Variants in NCAM2 observed in about 807,000 individuals in gnomAD.
NCAM2 encodes the protein neural cell adhesion molecule 2, also known as N-CAM-2.
Under a neutral mutation model 98.1 loss-of-function variants are expected in NCAM2, and 30 were observed. The observed-to-expected ratio is 0.31, with a 90% confidence interval of 0.23 to 0.41. The LOEUF is 0.41. Ranked by LOEUF, NCAM2 falls within the 10% of genes least tolerant of loss-of-function variation. NCAM2 has a pLI of 1.00. For synonymous variants in NCAM2, 368 were observed against 342.4 expected (o/e 1.07, Z -0.83); for missense variants, 867 against 1,005.8 (o/e 0.86, Z 1.87).
chr21:21,183,245 A>G (rs1341926000), intron 1 of NCAM2, among the ~76,000 whole-genome samples: 13 of 152,146 alleles, frequency 8.5e-5, no homozygotes, highest in Admixed American at 8.5e-4. Context: ...AAGGTTAAAA[A>G]ATTTGCCTGG....
At chr21:21,534,716 T>A (rs1989890330) in intron 17 of NCAM2, 60 bp downstream of exon 17, 2 of 1,339,010 alleles carry the variant, frequency 1.5e-6, no homozygotes. Flanking sequence ...GATAACACAT[T>A]ATTATTGTTG....
intron 1 of NCAM2, among the ~76,000 whole-genome samples, chr21:21,274,500 G>A (rs896009613): frequency 2.6e-5 from 4 of 152,128 alleles, no homozygotes; most frequent in African/African-American, 4.8e-5. Context: ...ATAGGCTGTT[G>A]TAATGCACTG....
intron 9 of NCAM2, among the ~76,000 whole-genome samples, chr21:21,379,853 A>G (rs966847752): frequency 1.3e-5 from 2 of 152,006 alleles, no homozygotes; most frequent in African/African-American, 4.8e-5. Flanking sequence ...GTATTAACTC[A>G]CTCCATCACA....
intron 1 of NCAM2, among the ~76,000 whole-genome samples, chr21:21,129,777 T>C (rs909270747): frequency 1.3e-5 from 2 of 152,190 alleles, no homozygotes; most frequent in Admixed American, 6.5e-5. Context: ...TCCATAGCAA[T>C]AGTTCAGTGT....
chr21:21,536,452 C>T (rs911278140), intron 17 of NCAM2, among the ~76,000 whole-genome samples: 4 of 150,212 alleles, frequency 2.7e-5, no homozygotes, highest in East Asian at 3.9e-4. Flanking sequence ...AGTGCAATGG[C>T]GCAATCTCAG....
chr21:21,392,306 A>G (rs1217689893), intron 9 of NCAM2, among the ~76,000 whole-genome samples: 1 of 152,228 alleles, frequency 6.6e-6, no homozygotes, highest in Non-Finnish European at 1.5e-5. Context: ...GCTACATAGT[A>G]TTCCGTGGTG....
chr21:21,178,474 G>C (rs2146893457), intron 1 of NCAM2, among the ~76,000 whole-genome samples: 1 of 152,004 alleles, frequency 6.6e-6, no homozygotes, highest in African/African-American at 2.4e-5. Flanking sequence ...ACTCAGCAAA[G>C]CAAAACCTTA....
intron 12 of NCAM2, among the ~76,000 whole-genome samples, chr21:21,458,673 C>T (rs577501753): frequency 1.2e-4 from 19 of 152,240 alleles, no homozygotes; most frequent in African/African-American, 2.9e-4. Context: ...TCCAGAACTG[C>T]GACAAATAAA....
chr21:21,411,144 A>ATACACATATATATG (rs1444403621), intron 10 of NCAM2, among the ~76,000 whole-genome samples: 2 of 133,970 alleles, frequency 1.5e-5, no homozygotes, highest in African/African-American at 5.6e-5. Context: ...ATGTATATAT[A>ATACACATATATATG]TATACATATA....
intron 1 of NCAM2, among the ~76,000 whole-genome samples, chr21:21,184,314 A>T (rs1243839600): frequency 6.9e-6 from 1 of 145,868 alleles, no homozygotes. Flanking sequence ...TTTATAAAAT[A>T]AAAAAAAAAA....
intron 1 of NCAM2, among the ~76,000 whole-genome samples, chr21:21,265,215 GTATAT>G (rs1291665496): frequency 2.1e-4 from 25 of 119,514 alleles, no homozygotes; most frequent in African/African-American, 5.7e-4. Flanking sequence ...TGTGTATATA[GTATAT>G]TATATTATAT....
intron 1 of NCAM2, among the ~76,000 whole-genome samples, chr21:21,200,025 C>T (rs148751250): frequency 6.6e-5 from 10 of 152,130 alleles, no homozygotes; most frequent in African/African-American, 9.6e-5. Context: ...GAAGACTGCC[C>T]CCGAATTGTC....
At chr21:21,070,764 A>C (rs961787309) in intron 1 of NCAM2, among the ~76,000 whole-genome samples, 1 of 152,222 alleles carries the variant, frequency 6.6e-6, no homozygotes, top group Non-Finnish European at 1.5e-5. Context: ...TGGATATTCA[A>C]ATAGCCTTTC....
intron 9 of NCAM2, among the ~76,000 whole-genome samples, chr21:21,400,702 C>T (rs1474139808): frequency 6.6e-6 from 1 of 151,578 alleles, no homozygotes; most frequent in Non-Finnish European, 1.5e-5. Context: ...TCTCATGCCT[C>T]AGCCTCCCAA....
chr21:21,187,757 G>A (rs1376713907), intron 1 of NCAM2, among the ~76,000 whole-genome samples: 1 of 152,012 alleles, frequency 6.6e-6, no homozygotes, highest in African/African-American at 2.4e-5. Context: ...TTATGCCTTG[G>A]GTATTCATTA....
rs2074252766 is a variant in NCAM2 at position 21,317,402 on chromosome 21, T to C, written c.620-6981T>C. 2.6e-5 allele frequency among the ~76,000 whole-genome samples: 4 copies of C among 152,204 alleles called. No homozygotes were observed. The South Asian group carries it at 8.3e-4, about 31-fold the overall frequency. On this transcript the variant is annotated intron_variant, in intron 5 of 17. Coordinates refer to ENST00000400546, the MANE Select transcript of NCAM2 (RefSeq NM_004540.5). ...TTATACTTTCCAACAGATTATTTTC[T>C]GCAGAATTTTGCAAAAATGAGTACT...
chr21:21,090,720 C>T (rs2146445805), intron 1 of NCAM2, among the ~76,000 whole-genome samples: 1 of 152,256 alleles, frequency 6.6e-6, no homozygotes, highest in South Asian at 2.1e-4. Context: ...GAGAGCACCT[C>T]ACTTAGTTGT....
intron 10 of NCAM2, among the ~76,000 whole-genome samples, chr21:21,412,828 C>A (rs959729066): frequency 2.2e-4 from 34 of 151,578 alleles, no homozygotes; most frequent in Non-Finnish European, 1.0e-4. Context: ...AAAGAGAAAG[C>A]AACAATGAGC....
intron 1 of NCAM2, among the ~76,000 whole-genome samples, chr21:21,115,957 T>TG: frequency 6.8e-6 from 1 of 147,282 alleles, no homozygotes; most frequent in South Asian, 2.2e-4. Context: ...CTCTGAGATT[T>TG]TGTGTGTGTG....
Sources: gnomAD v4.1 joint callset for allele counts (sites outside exome capture counted in the v4.1 genomes callset) on GRCh38, gnomAD v4.1.1 for gene constraint, MANE v1.5 for transcripts, NCBI Gene and HGNC (gene_info 2026-07-23, HGNC 2026-07-21) for gene names.